The following SLC39A11 variants were observed in gnomAD, a reference collection of about 807,000 sequenced individuals.
SLC39A11 encodes solute carrier family 39 member 11.
Under a neutral mutation model 36.1 loss-of-function variants are expected in SLC39A11, and 33 were observed. The observed-to-expected ratio is 0.91, with a 90% confidence interval of 0.69 to 1.22. The LOEUF (loss-of-function observed/expected upper bound fraction) is 1.22. Among genes scored for constraint, SLC39A11 ranks in the 50% most tolerant of loss-of-function variants. The probability of loss-of-function intolerance (pLI) is 0.00; values close to 1 mark genes in which losing one functional copy is unlikely to be tolerated. For synonymous variants in SLC39A11, 166 were observed against 170.3 expected, an observed-to-expected ratio of 0.97 and a Z score of 0.20; for missense variants, 432 against 430.3, an observed-to-expected ratio of 1.00 and a Z score of -0.03.
chr17:72,988,714 T>G (rs550549039), intron 4 of SLC39A11, among the ~76,000 whole-genome samples: 33 of 152,098 alleles, frequency 2.2e-4, no homozygotes, highest in Non-Finnish European at 4.1e-4. Context: ...TTTATTTATT[T>G]ATTTTTATTT....
intron 5 of SLC39A11, among the ~76,000 whole-genome samples, chr17:72,899,980 GAGAA>G (rs1401203070): frequency 9.3e-6 from 1 of 107,252 alleles, no homozygotes; most frequent in Non-Finnish European, 1.7e-5. Flanking sequence ...GAGAGAGAGA[GAGAA>G]AGAAAGAGAG....
At position 73,085,182 on chromosome 17, in the gene SLC39A11, G is replaced by C. The variant is rs546724814; in HGVS notation, c.109-336C>G. Among the ~76,000 whole-genome samples the C allele has an allele frequency of 2.0e-5, 3 of 152,190 alleles. No homozygotes were observed. In the East Asian group the frequency reaches 5.8e-4, roughly 29 times the overall value. ...ACAAGTTGGGAATTACTGAGCGTTG[G>C]TGAGGAGCAGAGGAGCAGGTGGAAC... On this transcript the variant is annotated intron_variant, in intron 2 of 9. Coordinates refer to ENST00000255559, the MANE Select transcript of SLC39A11 (RefSeq NM_139177.4).
chr17:73,019,170 T>C (rs1246251354), intron 4 of SLC39A11, among the ~76,000 whole-genome samples: 1 of 152,172 alleles, frequency 6.6e-6, no homozygotes, highest in African/African-American at 2.4e-5. Context: ...GCCTAAGCTA[T>C]AATGAATATT....
chr17:73,047,322 C>G (rs2059331717), intron 3 of SLC39A11, among the ~76,000 whole-genome samples: 1 of 151,976 alleles, frequency 6.6e-6, no homozygotes, highest in African/African-American at 2.4e-5. Context: ...CCGCGCCCGG[C>G]AAGAAGAACC....
intron 5 of SLC39A11, among the ~76,000 whole-genome samples, chr17:72,902,042 C>CG (rs1256466729): frequency 6.6e-6 from 1 of 152,012 alleles, no homozygotes; most frequent in East Asian, 1.9e-4. Flanking sequence ...AAGGCCGAGG[C>CG]GGGTGGATTA....
intron 7 of SLC39A11, among the ~76,000 whole-genome samples, chr17:72,699,179 C>A (rs569912019): frequency 1.3e-4 from 20 of 152,186 alleles, no homozygotes; most frequent in South Asian, 1.2e-3. Context: ...CCATGGGTGT[C>A]CAATCTTTTG....
chr17:72,794,433 A>G (rs1404525194), intron 6 of SLC39A11, among the ~76,000 whole-genome samples: 1 of 152,038 alleles, frequency 6.6e-6, no homozygotes, highest in Non-Finnish European at 1.5e-5. Context: ...AGAAAATCTG[A>G]TAATATTGTT....
intron 4 of SLC39A11, among the ~76,000 whole-genome samples, chr17:73,004,112 G>C (rs1308458671): frequency 1.4e-5 from 2 of 143,928 alleles, no homozygotes; most frequent in Middle Eastern, 3.6e-3. Context: ...GAAAGAGAGA[G>C]AGAGAGAAAG....
At chr17:72,855,275 G>A (rs546690820) in intron 5 of SLC39A11, among the ~76,000 whole-genome samples, 1 of 152,284 alleles carries the variant, frequency 6.6e-6, no homozygotes, top group Admixed American at 6.5e-5. Flanking sequence ...AATCACACCA[G>A]CAACACAGAA....
chr17:72,731,245 G>C (rs185550365), intron 7 of SLC39A11, among the ~76,000 whole-genome samples: 35 of 152,274 alleles, frequency 2.3e-4, no homozygotes, highest in South Asian at 8.3e-4. Flanking sequence ...TCTTCAATTA[G>C]AGCTCAGAAA....
chr17:72,955,955 T>C (rs74332712), intron 4 of SLC39A11, among the ~76,000 whole-genome samples: 6,873 of 152,214 alleles, frequency 0.045, 182 homozygotes, highest in Non-Finnish European at 0.063. Flanking sequence ...AGATAATCAA[T>C]ATCAGCCCTG....
chr17:72,873,079 A>G (rs908983525), intron 5 of SLC39A11, among the ~76,000 whole-genome samples: 3 of 151,886 alleles, frequency 2.0e-5, no homozygotes, highest in Non-Finnish European at 2.9e-5. Context: ...AGAAAAAAAA[A>G]AAGAATTATG....
At chr17:72,921,176 C>G (rs1010523086) in intron 5 of SLC39A11, among the ~76,000 whole-genome samples, 2 of 152,094 alleles carry the variant, frequency 1.3e-5, no homozygotes, top group African/African-American at 4.8e-5. Flanking sequence ...GAACACAAGC[C>G]CAGCATCTTG....
At chr17:73,022,726 C>T (rs920193116) in intron 4 of SLC39A11, among the ~76,000 whole-genome samples, 14 of 151,616 alleles carry the variant, frequency 9.2e-5, no homozygotes, top group Admixed American at 6.6e-5. Flanking sequence ...CTAAAAGTCA[C>T]GGGAGGCTGT....
intron 5 of SLC39A11, among the ~76,000 whole-genome samples, chr17:72,915,708 C>G (rs1405419587): frequency 2.6e-5 from 4 of 152,346 alleles, no homozygotes; most frequent in African/African-American, 9.6e-5. Context: ...CCGAGCCAGT[C>G]TGACAATAAC....
intron 5 of SLC39A11, among the ~76,000 whole-genome samples, chr17:72,939,458 G>GGAA (rs1555641980): frequency 6.9e-6 from 1 of 145,508 alleles, no homozygotes; most frequent in Non-Finnish European, 1.5e-5. Flanking sequence ...GTTCCGTCTC[G>GGAA]AAAAAAAAAA....
At chr17:72,688,009 A>T (rs571120184) in intron 7 of SLC39A11, among the ~76,000 whole-genome samples, 7 of 152,198 alleles carry the variant, frequency 4.6e-5, no homozygotes, top group Non-Finnish European at 1.0e-4. Flanking sequence ...GCATGACTCC[A>T]GTTGAATGAC....
intron 3 of SLC39A11, among the ~76,000 whole-genome samples, chr17:73,063,486 G>A (rs977350341): frequency 5.3e-5 from 8 of 152,162 alleles, no homozygotes; most frequent in Admixed American, 2.6e-4. Flanking sequence ...GCAGTGGCGC[G>A]TGCCTGTAAT....
intron 6 of SLC39A11, among the ~76,000 whole-genome samples, chr17:72,836,215 C>G (rs956175164): frequency 1.3e-5 from 2 of 152,176 alleles, no homozygotes; most frequent in African/African-American, 4.8e-5. Flanking sequence ...TCCTGAACTT[C>G]TCTGTAACTC....
Sources: gnomAD v4.1 joint callset for allele counts (sites outside exome capture counted in the v4.1 genomes callset) on GRCh38, gnomAD v4.1.1 for gene constraint, MANE v1.5 for transcripts, NCBI Gene and HGNC (gene_info 2026-07-23, HGNC 2026-07-21) for gene names.